Variants in PCP4 observed in about 807,000 individuals in gnomAD.
PCP4 encodes the protein Purkinje cell protein 4.
In PCP4, 8 loss-of-function variants were observed where a neutral mutation model predicts 10.0. The ratio of observed to expected loss-of-function variants is 0.80; its 90% CI spans 0.47 to 1.45. PCP4 has a LOEUF of 1.45. Among genes scored for constraint, PCP4 ranks in the 40% most tolerant of loss-of-function variants. The pLI, the probability that PCP4 is intolerant of heterozygous loss-of-function variation, is 0.00. For missense variants in PCP4, 54 were observed against 74.4 expected, an observed-to-expected ratio of 0.73 and a Z score of 1.01; for synonymous variants, 21 against 23.0, an observed-to-expected ratio of 0.91 and a Z score of 0.24.
chr21:39,871,712 A>G (rs2087321216), intron 1 of PCP4, among the ~76,000 whole-genome samples: 1 of 152,184 alleles, frequency 6.6e-6, no homozygotes, highest in Admixed American at 6.5e-5. Context: ...AAGCAGGAAT[A>G]TGTGTTTCCC....
At chr21:39,896,974 G>A (rs1165082970) in intron 1 of PCP4, among the ~76,000 whole-genome samples, 1 of 152,010 alleles carries the variant, frequency 6.6e-6, no homozygotes, top group South Asian at 2.1e-4. Flanking sequence ...TCAGATAGTG[G>A]CATCACAGTA....
chr21:39,882,368 G>A (rs1568851303), intron 1 of PCP4, among the ~76,000 whole-genome samples: 1 of 152,184 alleles, frequency 6.6e-6, no homozygotes, highest in Non-Finnish European at 1.5e-5. Context: ...TCTCCCAGCT[G>A]TTGCGGCATT....
intron 1 of PCP4, among the ~76,000 whole-genome samples, chr21:39,888,280 A>G (rs976004935): frequency 2.6e-5 from 4 of 152,242 alleles, no homozygotes; most frequent in Non-Finnish European, 4.4e-5. Context: ...TGTGGTAGAC[A>G]GGGGCCAACA....
intron 1 of PCP4, among the ~76,000 whole-genome samples, chr21:39,890,534 T>C (rs2087424967): frequency 6.6e-6 from 1 of 150,814 alleles, no homozygotes; most frequent in Non-Finnish European, 1.5e-5. Context: ...TTTTTTTTTT[T>C]TAATTTTCAT....
chr21:39,923,879 GA>G (rs1218127566), intron 2 of PCP4, among the ~76,000 whole-genome samples: 2 of 152,204 alleles, frequency 1.3e-5, no homozygotes, highest in Non-Finnish European at 2.9e-5. Flanking sequence ...CGTAGCTAAG[GA>G]GAATGTCCTT....
At chr21:39,928,434 G>A (rs997211691) in intron 2 of PCP4, among the ~76,000 whole-genome samples, 1 of 152,146 alleles carries the variant, frequency 6.6e-6, no homozygotes, top group African/African-American at 2.4e-5. Flanking sequence ...GAACAAGAAT[G>A]TAAGCTTTGT....
intron 2 of PCP4, among the ~76,000 whole-genome samples, chr21:39,915,430 A>G (rs2087564308): frequency 6.6e-6 from 1 of 152,230 alleles, no homozygotes; most frequent in Non-Finnish European, 1.5e-5. Flanking sequence ...GATGAATTAT[A>G]CACTGATTAT....
chr21:39,927,369 C>CATCTATCT (rs71186907), intron 2 of PCP4, among the ~76,000 whole-genome samples: 1 of 65,118 alleles, frequency 1.5e-5, no homozygotes, highest in East Asian at 7.0e-4. Context: ...ATCTATCTAT[C>CATCTATCT]ATCTATCTAT....
chr21:39,874,692 A>T (rs1461331827), intron 1 of PCP4, among the ~76,000 whole-genome samples: 2 of 147,376 alleles, frequency 1.4e-5, no homozygotes, highest in Non-Finnish European at 1.5e-5. Context: ...CAATACAAGC[A>T]TCTGTTCATC....
At chr21:39,927,314 CTATCTATCATCT>C (rs1404907512) in intron 2 of PCP4, among the ~76,000 whole-genome samples, 41 of 118,046 alleles carry the variant, frequency 3.5e-4, no homozygotes, top group Non-Finnish European at 5.2e-4. Context: ...ATCTATCTAT[CTATCTATCATCT>C]ATCTATCTAT....
At chr21:39,928,091 C>T (rs545046877) in intron 2 of PCP4, among the ~76,000 whole-genome samples, 1 of 152,248 alleles carries the variant, frequency 6.6e-6, no homozygotes, top group Admixed American at 6.5e-5. Flanking sequence ...TGTTTGGTTA[C>T]ATGAGTAAGT....
rs554908472 is a variant in PCP4 at position 39,906,011 on chromosome 21, C to T, written c.61+7484C>T. ...CTTGCAGTGAGCCGAGACCATGCCA[C>T]TGCACTCCAACCTGGGTGACAGAGC... On this transcript the variant is annotated intron_variant, in intron 2 of 2. Coordinates refer to ENST00000328619, the MANE Select transcript of PCP4 (RefSeq NM_006198.3). The surrounding 1 kb of genome is among the most constrained non-coding windows in gnomAD (Gnocchi z 6.3). Among the ~76,000 whole-genome samples, 76 of 152,326 alleles carry T rather than the reference C, an allele frequency of 5.0e-4. No homozygotes were observed. The highest frequency in any genetic ancestry group is 1.0e-3 in the Admixed American group (16 of 15,306).
At chr21:39,899,882 A>C (rs2087474680) in intron 2 of PCP4, among the ~76,000 whole-genome samples, 2 of 152,254 alleles carry the variant, frequency 1.3e-5, no homozygotes, top group East Asian at 3.9e-4. Context: ...TGCCTGCCAT[A>C]GGGGAGCATA....
chr21:39,869,173 G>A (rs537130712), intron 1 of PCP4, among the ~76,000 whole-genome samples: 3 of 152,296 alleles, frequency 2.0e-5, no homozygotes, highest in Admixed American at 6.5e-5. Flanking sequence ...GTGGCCTCTC[G>A]GGTCAAGTCA....
At chr21:39,914,889 G>GA (rs1275625879) in intron 2 of PCP4, among the ~76,000 whole-genome samples, 1 of 152,208 alleles carries the variant, frequency 6.6e-6, no homozygotes, top group African/African-American at 2.4e-5. Flanking sequence ...GCACCCTCAG[G>GA]AGAGTCAGTC....
At chr21:39,878,225 C>T (rs1006205587) in intron 1 of PCP4, among the ~76,000 whole-genome samples, 5 of 152,124 alleles carry the variant, frequency 3.3e-5, no homozygotes, top group African/African-American at 9.7e-5. Flanking sequence ...GTTAATTTGC[C>T]ATTGCTCAGA....
At chr21:39,886,818 G>C (rs2087402655) in intron 1 of PCP4, among the ~76,000 whole-genome samples, 1 of 152,166 alleles carries the variant, frequency 6.6e-6, no homozygotes, top group Non-Finnish European at 1.5e-5. Context: ...TTTTATAAAA[G>C]AGAGACTATA....
intron 1 of PCP4, among the ~76,000 whole-genome samples, chr21:39,880,266 G>T (rs2087368790): frequency 6.6e-6 from 1 of 152,144 alleles, no homozygotes; most frequent in South Asian, 2.1e-4. Context: ...TGGGTGGAGG[G>T]TCTTTCCCAC....
intron 2 of PCP4, among the ~76,000 whole-genome samples, chr21:39,913,750 C>A (rs1225465750): frequency 6.6e-6 from 1 of 152,220 alleles, no homozygotes; most frequent in African/African-American, 2.4e-5. Flanking sequence ...CTTTGCTTCA[C>A]AGACCCCCTT....
Sources: allele counts gnomAD v4.1 joint callset (sites outside exome capture counted in the v4.1 genomes callset), GRCh38; gene constraint gnomAD v4.1.1; non-coding constraint Gnocchi (gnomAD v3.1); transcripts MANE v1.5; gene names NCBI Gene and HGNC (gene_info 2026-07-23, HGNC 2026-07-21).